The following EVPL variants were observed in gnomAD, a reference collection of about 807,000 sequenced individuals.
EVPL encodes 210 kDa cornified envelope precursor protein.
A neutral mutation model predicts 129.7 loss-of-function variants in EVPL; 94 were observed. The ratio of observed to expected loss-of-function variants is 0.72; its 90% confidence interval spans 0.61 to 0.86. The LOEUF is 0.86. EVPL is among the 40% of genes least tolerant of loss of function. The pLI, the probability that EVPL is intolerant of heterozygous loss-of-function variation, is 0.00. For missense variants in EVPL, 2,625 were observed against 2,721.1 expected, an observed-to-expected ratio of 0.96 and a Z score of 0.79; for synonymous variants, 1,172 against 1,191.1, an observed-to-expected ratio of 0.98 and a Z score of 0.33.
Position 76,008,691 on chromosome 17 carries a change from T to C in EVPL, c.4514A>G (p.Gln1505Arg). ...TTTGGCTTTCTGGAGGACGTCAATC[T>C]GGACCTGCAGGTTCTTGCACTCCCG... Reference protein sequence around the residue: ...LNRECKNLQVQIDVLQKAKSQ... With the variant: ...LNRECKNLQVRIDVLQKAKSQ... Residue 1505 changes from glutamine (Q) to arginine (R), a missense_variant, in exon 22 of 22, where the codon CAG (glutamine) becomes CGG (arginine). This residue lies in a region of EVPL where 1,453 missense variants were observed against 1,511.8 expected (regional missense o/e 0.96). Transcript: ENST00000301607. The surrounding 1 kb of genome is among the most constrained non-coding windows in gnomAD (Gnocchi z 7.4). 6.2e-7 allele frequency: 1 copy of C among 1,613,420 alleles called. No homozygotes were observed. The highest frequency in any genetic ancestry group is 8.5e-7 in the Non-Finnish European group (1 of 1,180,036).
intron 2 of EVPL, 139 bp from the exon 3 acceptor site, chr17:76,023,793 G>T: frequency 7.2e-7 from 1 of 1,395,268 alleles, no homozygotes; most frequent in Non-Finnish European, 9.5e-7. Context: ...CACAGGGTCA[G>T]GACCAGGGCG....
chr17:76,008,104 C>T lies in EVPL; in HGVS notation c.5101G>A (p.Glu1701Lys). 2 of 1,614,118 alleles carry T rather than the reference C, an allele frequency of 1.2e-6. No homozygotes were observed. The highest frequency in any genetic ancestry group is 2.2e-5 in the East Asian group (1 of 44,880). The change falls in exon 22 of 22, where the codon GAG becomes AAG. Residue 1701 changes from glutamate to lysine, a missense_variant. By Grantham distance (56) the Glu-to-Lys change is moderately conservative (BLOSUM62 1). This residue lies in a region of EVPL where 1,453 missense variants were observed against 1,511.8 expected (regional missense o/e 0.96). Coordinates refer to ENST00000301607, the MANE Select transcript of EVPL (RefSeq NM_001988.4). The surrounding 1 kb of genome is among the most constrained non-coding windows in gnomAD (Gnocchi z 7.4). ...PETGKDMSPY[E>K]AYKRGIIDRG... ...TCGATGATGCCCCTCTTGTAGGCCTCGTATGGGGACATGTCCTTCCCCGTC... is the reference window on the plus strand; with the variant it reads ...TCGATGATGCCCCTCTTGTAGGCCTTGTATGGGGACATGTCCTTCCCCGTC...
At position 76,007,107 on chromosome 17, in the gene EVPL, C is replaced by G. The variant is rs766425809; in HGVS notation, c.6098G>C (p.Arg2033Pro). 5 of 1,460,606 alleles carry G rather than the reference C, an allele frequency of 3.4e-6. No individual in the cohort carries two copies. The highest frequency in any genetic ancestry group is 4.5e-6 in the Non-Finnish European group (5 of 1,105,342). The allele number at this position is 1,460,606 out of a possible 1,614,324, so 90.5% of individuals were successfully genotyped here. ...SASPTVPRSL[R>P] is the part of the protein sequence containing the mutation. ...CCACTGGCTCCTTGGCCCGTGTCAG[C>G]GAAGGGAGCGCGGGACGGTGGGGGA... is the stretch of plus-strand genomic sequence containing the variant. Residue 2033 changes from arginine to proline, a missense_variant, in exon 22 of 22, where the codon CGC becomes CCC. By Grantham distance (103) the Arg-to-Pro change is moderately radical (BLOSUM62 -2). Around this residue, in one of 4 missense-constraint regions of EVPL, gnomAD observed 1,453 missense variants for 1,511.8 expected, o/e 0.96. Coordinates refer to ENST00000301607, the MANE Select transcript of EVPL (RefSeq NM_001988.4). This position sits in a 1 kb window ranked among gnomAD's most constrained non-coding sequence, Gnocchi z 8.8.
Position 76,017,825 on chromosome 17 carries a change from C to T in EVPL, c.1624G>A (p.Glu542Lys), listed in dbSNP as rs2144422817. The T allele has an allele frequency of 6.2e-7, 1 of 1,613,960 alleles. No homozygotes were observed. The highest frequency in any genetic ancestry group is 1.7e-5 in the Admixed American group (1 of 60,036). Residue 542 changes from glutamate to lysine, a missense_variant, in exon 14 of 22, where the codon GAG (glutamate) becomes AAG (lysine). This residue lies in a region of EVPL where 1,024 missense variants were observed against 997.5 expected (regional missense o/e 1.03). Coordinates refer to ENST00000301607, the MANE Select transcript of EVPL (RefSeq NM_001988.4). The stretch of plus-strand genomic sequence containing the variant: ...CGCGCCCAGGCCAGCACCTGCCTCT[C>T]TATCTGTCCCAGGTCTCCATCCAGC... Reference protein sequence around the residue: ...TRLDGDLGQIERQVLAWARAP... With the variant: ...TRLDGDLGQIKRQVLAWARAP...
Position 76,021,579 on chromosome 17 carries a change from T to A in EVPL, c.916-16A>T, listed in dbSNP as rs753809527. The A allele has an allele frequency of 2.0e-6, 3 of 1,488,062 alleles. No individual in the cohort carries two copies. Among genetic ancestry groups the A allele is most frequent in the Non-Finnish European group, 2.8e-6 (3 of 1,086,734 alleles). The allele number at this position is 1,488,062 out of a possible 1,614,324, so 92.2% of individuals were successfully genotyped here. A position where few individuals can be genotyped will look rare whatever the true frequency, so the allele number is the denominator to read the frequency against. On this transcript the variant is annotated splice_polypyrimidine_tract_variant and intron_variant, in intron 8 of 21. Coordinates refer to ENST00000301607, the MANE Select transcript of EVPL (RefSeq NM_001988.4). Reference sequence around the variant, plus strand: ...CCTGGTGGGCCTGGGTACGGCAGCATGGAGCCCTCGGACCACGCCCCCCCC... The same window carrying A: ...CCTGGTGGGCCTGGGTACGGCAGCAAGGAGCCCTCGGACCACGCCCCCCCC...
intron 10 of EVPL, 45 bp from the exon 11 acceptor site, chr17:76,019,105 G>A (rs1277372860): frequency 6.6e-7 from 1 of 1,520,390 alleles, no homozygotes; most frequent in Non-Finnish European, 8.7e-7. Context: ...AGGCTGCATT[G>A]GAGGCTGGCC....
At chr17:76,015,870 G>T (rs1384689138) in intron 14 of EVPL, among the ~76,000 whole-genome samples, 2 of 152,216 alleles carry the variant, frequency 1.3e-5, no homozygotes, top group Non-Finnish European at 2.9e-5. Flanking sequence ...GGGGCCGGGC[G>T]CAGTGGCTCA....
intron 1 of EVPL, among the ~76,000 whole-genome samples, chr17:76,025,258 G>A (rs150673640): frequency 1.0e-3 from 159 of 152,304 alleles, no homozygotes; most frequent in African/African-American, 3.7e-3. Context: ...GTGCAGGGTC[G>A]GCACCCAGCA....
In EVPL at chr17:76,009,850, G is replaced by T. The variant is rs770411485; in HGVS notation, c.3355C>A (p.Arg1119Ser). Residue 1119 changes from arginine (R) to serine (S), a missense_variant, in exon 22 of 22, where the codon CGC (arginine) becomes AGC (serine). Physicochemically the swap from Arg to Ser is moderately radical, Grantham distance 110. Transcript: ENST00000301607. The surrounding 1 kb of genome is among the most constrained non-coding windows in gnomAD (Gnocchi z 5.9). ...AEEAVAKLQARIEDLERAISS... is the reference protein window; with the variant it reads ...AEEAVAKLQASIEDLERAISS... ...ATAGCCCGCTCCAGGTCTTCGATGC[G>T]AGCCTGTAGCTTGGCCACAGCCTCC... 60 of 1,613,868 alleles carry T rather than the reference G, an allele frequency of 3.7e-5. No individual in the cohort carries two copies. The highest frequency in any genetic ancestry group is 6.8e-6 in the Non-Finnish European group (8 of 1,180,032).
chr17:76,008,785 G>C lies in EVPL; in HGVS notation c.4420C>G (p.Leu1474Val). The change falls in exon 22 of 22, where the codon CTG becomes GTG. Residue 1474 changes from leucine (L) to valine (V), a missense_variant. Around this residue, in one of 4 missense-constraint regions of EVPL, gnomAD observed 1,453 missense variants for 1,511.8 expected, o/e 0.96. Transcript: ENST00000301607. The surrounding 1 kb of genome is among the most constrained non-coding windows in gnomAD (Gnocchi z 7.4). The stretch of plus-strand genomic sequence containing the variant: ...CGCAGGGCTTCCGTGGACTTCTCCA[G>C]GTCCGGGTCCTTCTCCAGCTTGACC... ...EVVKLEKDPD[L>V]EKSTEALRWD... The C allele has an allele frequency of 1.2e-6, 2 of 1,614,158 alleles. No homozygotes were observed. The highest frequency in any genetic ancestry group is 1.1e-5 in the South Asian group (1 of 91,088).
Position 76,012,054 on chromosome 17 carries a change from G to C in EVPL, c.2409C>G (p.Asp803Glu), listed in dbSNP as rs976421866. Residue 803 changes from aspartate to glutamate, a missense_variant, in exon 19 of 22, where the codon GAC (aspartate) becomes GAG (glutamate). Asp to Glu is a conservative substitution (Grantham distance 45, BLOSUM62 2). Coordinates refer to ENST00000301607, the MANE Select transcript of EVPL (RefSeq NM_001988.4). The part of the protein sequence containing the change: ...LTQEIQSRER[D>E]RATASHLSQA... ...GGGAGAGGTGGGATGCTGTGGCCCT[G>C]TCCCGCTCTCGGCTCTGGATCTCCT... 2 of 1,612,214 alleles carry C rather than the reference G, an allele frequency of 1.2e-6. No homozygotes were observed. The highest frequency in any genetic ancestry group is 1.7e-6 in the Non-Finnish European group (2 of 1,179,704).
At chr17:76,023,871 C>T (rs1039333773) in intron 2 of EVPL, 150 bp downstream of exon 2, 6 of 1,221,328 alleles carry the variant, frequency 4.9e-6, no homozygotes, top group African/African-American at 3.0e-5. Context: ...TCTCTCCCAC[C>T]GTGTGTTAGG....
chr17:76,018,841 G>A lies in EVPL; in HGVS notation c.1284+73C>T. The A allele has an allele frequency of 3.4e-6, 5 of 1,454,486 alleles. No individual in the cohort carries two copies. The South Asian group carries it at 5.9e-5, about 17-fold the overall frequency. The allele number at this position is 1,454,486 out of a possible 1,614,324, so 90.1% of individuals were successfully genotyped here. A position where few individuals can be genotyped will look rare whatever the true frequency, so the allele number is the denominator to read the frequency against. ...AGACAGCTGGGGATGGAGCAGGGAT[G>A]GGCTTGGGCAGGGGCAGGGGATGGG... On this transcript the variant is annotated intron_variant, in intron 11 of 21. Transcript: ENST00000301607.
chr17:76,023,163 C>T (rs2144438783), intron 4 of EVPL, 129 bp downstream of exon 4: 2 of 1,480,886 alleles, frequency 1.4e-6, no homozygotes, highest in East Asian at 2.3e-5. Context: ...GTCTACTCTG[C>T]TGTCTCTCTG....
At chr17:76,021,808 C>T (rs1186588434) in intron 7 of EVPL, 27 bp from the exon 8 acceptor site, 2 of 1,574,194 alleles carry the variant, frequency 1.3e-6, no homozygotes, top group Non-Finnish European at 1.7e-6. Context: ...TGGGGAGCGG[C>T]GGTGAGGACC....
chr17:76,023,098 C>T (rs560439844), intron 4 of EVPL, among the ~76,000 whole-genome samples, 194 bp downstream of exon 4: 4 of 152,240 alleles, frequency 2.6e-5, no homozygotes, highest in African/African-American at 9.6e-5. Context: ...CCCTCTCACC[C>T]CTCTGAGGTC....
At position 76,024,006 on chromosome 17, in the gene EVPL, C is replaced by T. The variant is rs764761826; in HGVS notation, c.198+15G>A. On this transcript the variant is annotated intron_variant, in intron 2 of 21. Coordinates refer to ENST00000301607, the MANE Select transcript of EVPL (RefSeq NM_001988.4). This position sits in a 1 kb window ranked among gnomAD's most constrained non-coding sequence, Gnocchi z 4.5. ...CAGCCTGTCCACGCCCTGCCAACTG[C>T]TGCCGGGGCCTCACCTGCTGCAGCC... is the stretch of plus-strand genomic sequence containing the variant. The T allele has an allele frequency of 5.0e-6, 8 of 1,608,388 alleles. No individual in the cohort carries two copies. The Admixed American group carries it at 1.3e-4, about 27-fold the overall frequency.
In EVPL at chr17:76,015,363, G is replaced by C; in HGVS notation, c.1892C>G (p.Ala631Gly). ...CCGCTCCAGATCCAGGGCAGCCTTG[G>C]CTCTGCCGCAGAGGAGGCAAGGCTC... The part of the protein sequence containing the change: ...QVLCSLYGEK[A>G]KAALDLERQI... Residue 631 changes from alanine to glycine, a missense_variant and splice_region_variant, in exon 16 of 22, where the codon GCC becomes GGC. Ala to Gly is a moderately conservative substitution (Grantham distance 60). Transcript: ENST00000301607. The C allele has an allele frequency of 6.2e-7, 1 of 1,604,144 alleles. No individual in the cohort carries two copies. The highest frequency in any genetic ancestry group is 8.5e-7 in the Non-Finnish European group (1 of 1,177,968).
chr17:76,017,872 T>A lies in EVPL; in HGVS notation c.1577A>T (p.Lys526Met). 3 of 1,614,084 alleles carry A rather than the reference T, an allele frequency of 1.9e-6. No individual in the cohort carries two copies. Among genetic ancestry groups the A allele is most frequent in the Non-Finnish European group, 2.5e-6 (3 of 1,180,036 alleles). ...GSDLANPQAQ[K>M]LLTQMTRLDG... ...CAGCCGGGTCATCTGTGTCAGGAGC[T>A]TCTGGGCCTGTGGGTTGGCCAGGTC... Residue 526 changes from lysine to methionine, a missense_variant, in exon 14 of 22, where the codon AAG becomes ATG. By Grantham distance (95) the Lys-to-Met change is moderately conservative. Transcript: ENST00000301607.
Sources: allele counts gnomAD v4.1 joint callset (sites outside exome capture counted in the v4.1 genomes callset), GRCh38; gene constraint gnomAD v4.1.1; regional missense constraint gnomAD v4.1.1; non-coding constraint Gnocchi (gnomAD v3.1); transcripts MANE v1.5; gene names NCBI Gene and HGNC (gene_info 2026-07-23, HGNC 2026-07-21).